Variants in PACS2 observed in about 807,000 individuals in gnomAD.
PACS2 encodes phosphofurin acidic cluster sorting protein 2.
Under a neutral mutation model 113.0 loss-of-function variants are expected in PACS2, and 36 were observed. The ratio of observed to expected loss-of-function variants is 0.32; its 90% confidence interval spans 0.24 to 0.42. The LOEUF is 0.42. PACS2 is among the 10% of genes least tolerant of loss of function. PACS2 has a pLI of 1.00. For missense variants in PACS2, 1,015 were observed against 1,239.5 expected (o/e 0.82, Z 2.72); for synonymous variants, 589 against 536.1 (o/e 1.10, Z -1.36).
intron 9 of PACS2, among the ~76,000 whole-genome samples, chr14:105,377,494 G>C (rs1555410761): frequency 6.6e-6 from 1 of 152,178 alleles, no homozygotes; most frequent in African/African-American, 2.4e-5. Flanking sequence ...GGGGCAGGAA[G>C]GCAAGCACAC....
upstream of PACS2, among the ~76,000 whole-genome samples, chr14:105,314,075 G>A (rs2058436634): frequency 6.6e-6 from 1 of 152,266 alleles, no homozygotes; most frequent in Non-Finnish European, 1.5e-5. Context: ...AGCCCTGGAG[G>A]CTAAGCTCGG....
At chr14:105,383,578 AGTGGT>A (rs1199070669) in intron 16 of PACS2, 65 bp downstream of exon 16, 27 of 1,483,702 alleles carry the variant, frequency 1.8e-5, no homozygotes, top group Non-Finnish European at 2.4e-5. Flanking sequence ...CGTGGCATGG[AGTGGT>A]GTGGCGTGGC....
At chr14:105,381,233 G>T in intron 12 of PACS2, 134 bp downstream of exon 12, 1 of 688,012 alleles carries the variant, frequency 1.5e-6, no homozygotes, top group East Asian at 3.1e-5. Flanking sequence ...CAGATTCAGG[G>T]CCTCGTCCTT....
chr14:105,384,176 A>G lies in PACS2; in HGVS notation c.1781-177A>G, dbSNP rs114482552. 1.2e-3 allele frequency: 706 copies of G among 581,052 alleles called. 4 individuals carry two copies. The highest frequency in any genetic ancestry group is 0.012 in the African/African-American group (614 of 53,370). The allele number at this position is 581,052 out of a possible 1,614,324, so 36.0% of individuals were successfully genotyped here. On this transcript the variant is annotated intron_variant, in intron 16 of 24. Coordinates refer to ENST00000447393, the MANE Select transcript of PACS2 (RefSeq NM_001100913.3). ...GGGCTGGAGCTCCTTCAGCGGGGCC[A>G]CAGGCATCCACCAGGGAGGGGCAGT...
chr14:105,326,038 G>A (rs1469460915), intron 1 of PACS2, among the ~76,000 whole-genome samples: 1 of 152,260 alleles, frequency 6.6e-6, no homozygotes, highest in Non-Finnish European at 1.5e-5. Context: ...AGCTGACCTT[G>A]CAGGAGGCAT....
In PACS2 at chr14:105,382,591, C is replaced by T. The variant is rs2081032397; in HGVS notation, c.1518+10C>T. The T allele has an allele frequency of 5.9e-6, 9 of 1,537,638 alleles. No individual in the cohort carries two copies. The highest frequency in any genetic ancestry group is 8.1e-6 in the Non-Finnish European group (9 of 1,111,480). ...GGACTGGCAGGGGCAGGTAGAGGGG[C>T]AGTCTCTTGGAGTGGAGGGTCAGGG... On this transcript the variant is annotated intron_variant, in intron 14 of 24. Transcript: ENST00000447393.
chr14:105,361,778 C>T (rs1313925012), intron 4 of PACS2, among the ~76,000 whole-genome samples: 10 of 152,064 alleles, frequency 6.6e-5, no homozygotes, highest in African/African-American at 1.9e-4. Flanking sequence ...GGAGAAACCC[C>T]GTCTCTACTA....
intron 1 of PACS2, among the ~76,000 whole-genome samples, chr14:105,325,477 G>C (rs183014720): frequency 0.016 from 2,392 of 152,260 alleles, 63 homozygotes; most frequent in African/African-American, 0.053. Context: ...CTCGCTCGGT[G>C]CAATGCTGTG....
At chr14:105,394,375 G>C in intron 24 of PACS2, 179 bp from the exon 25 acceptor site, 1 of 985,292 alleles carries the variant, frequency 1.0e-6, no homozygotes, top group African/African-American at 1.7e-5. Context: ...CGTCCCTCAG[G>C]AGCCAGCATG....
At chr14:105,383,067 G>A in intron 15 of PACS2, 154 bp downstream of exon 15, 1 of 630,750 alleles carries the variant, frequency 1.6e-6, no homozygotes, top group Non-Finnish European at 2.8e-6. Context: ...TCGCAGCCTG[G>A]CCTCCCCTCA....
chr14:105,302,146 CAA>C (rs377143444), intron 1 of PACS2, among the ~76,000 whole-genome samples: 2 of 116,558 alleles, frequency 1.7e-5, no homozygotes, highest in Admixed American at 9.2e-5. Flanking sequence ...AACTCTGTCT[CAA>C]AAAAAAAAAA....
At chr14:105,350,501 C>T (rs1395633329) in intron 2 of PACS2, among the ~76,000 whole-genome samples, 1 of 152,174 alleles carries the variant, frequency 6.6e-6, no homozygotes, top group Non-Finnish European at 1.5e-5. Context: ...CTGTGTAGCG[C>T]ATGGACTGGC....
At chr14:105,320,803 C>G (rs2058856008) in intron 1 of PACS2, among the ~76,000 whole-genome samples, 1 of 152,166 alleles carries the variant, frequency 6.6e-6, no homozygotes, top group Non-Finnish European at 1.5e-5. Context: ...CGTGGTATAG[C>G]TTATGTAAAA....
chr14:105,367,313 C>T lies in PACS2; in HGVS notation c.524C>T (p.Ser175Phe), dbSNP rs782583900. 6.2e-6 allele frequency: 10 copies of T among 1,613,382 alleles called. No homozygotes were observed. Among genetic ancestry groups the T allele is most frequent in the Middle Eastern group, 1.6e-4 (1 of 6,062 alleles). The change falls in exon 5 of 25, where the codon TCC becomes TTC. Residue 175 changes from serine to phenylalanine, a missense_variant. This residue lies in a region of PACS2 where 859 missense variants were observed against 1,056.8 expected (regional missense o/e 0.81). Transcript: ENST00000447393. Reference protein sequence around the residue: ...KAAEIWIASLSSQPIDHEDST... With the variant: ...KAAEIWIASLFSQPIDHEDST... ...GCCGAGATCTGGATCGCCTCCCTGT[C>T]CAGCCAGCCCATTGACCACGAAGAC...
rs1478177311 is a variant in PACS2 at position 105,329,962 on chromosome 14, A to G, written c.119+14925A>G. On this transcript the variant is annotated intron_variant, in intron 1 of 24. Coordinates refer to ENST00000447393, the MANE Select transcript of PACS2 (RefSeq NM_001100913.3). This position sits in a 1 kb window ranked among gnomAD's most constrained non-coding sequence, Gnocchi z 6.4. ...ACGTCCATGCCAGGGCCGAGCCCCCAGCTGGGATGCCCTGGGAGGGTGCAG... is the reference window on the plus strand; with the variant it reads ...ACGTCCATGCCAGGGCCGAGCCCCCGGCTGGGATGCCCTGGGAGGGTGCAG... Among the ~76,000 whole-genome samples, 1 of 152,162 alleles carries G rather than the reference A, an allele frequency of 6.6e-6. No individual in the cohort carries two copies.
chr14:105,304,676 G>A (rs1185577807), intron 1 of PACS2, among the ~76,000 whole-genome samples: 3 of 152,174 alleles, frequency 2.0e-5, no homozygotes. Flanking sequence ...GTGAGACTGG[G>A]CGATTAACAA....
chr14:105,351,138 G>A (rs996934098), intron 2 of PACS2, among the ~76,000 whole-genome samples: 1 of 152,202 alleles, frequency 6.6e-6, no homozygotes, highest in Admixed American at 6.5e-5. Context: ...TGTCCCGCGC[G>A]CCGGCCTCCG....
At chr14:105,338,971 C>T (rs2059625575) in intron 1 of PACS2, among the ~76,000 whole-genome samples, 2 of 152,214 alleles carry the variant, frequency 1.3e-5, no homozygotes, top group Admixed American at 1.3e-4. Flanking sequence ...TCACTCCTGC[C>T]TTCAACTGAC....
intron 20 of PACS2, chr14:105,390,751 C>G (rs929895293): frequency 5.1e-6 from 1 of 195,800 alleles, no homozygotes; most frequent in African/African-American, 2.3e-5. Flanking sequence ...GAGCTTTCTC[C>G]GGTGACAAGA....
Sources: allele counts gnomAD v4.1 joint callset (sites outside exome capture counted in the v4.1 genomes callset), GRCh38; gene constraint gnomAD v4.1.1; regional missense constraint gnomAD v4.1.1; non-coding constraint Gnocchi (gnomAD v3.1); transcripts MANE v1.5; gene names NCBI Gene and HGNC (gene_info 2026-07-23, HGNC 2026-07-21).